Variants in EPHB6 observed in about 807,000 individuals in gnomAD.
EPHB6 encodes the protein EPH receptor B6.
In EPHB6, 51 loss-of-function variants were observed where a neutral mutation model predicts 107.0. That is an observed-to-expected ratio of 0.48 (90% CI 0.38 to 0.60). The LOEUF is 0.60. Ranked by LOEUF, EPHB6 falls within the 20% of genes least tolerant of loss-of-function variation. EPHB6 has a pLI of 0.00. For synonymous variants in EPHB6, 553 were observed against 549.0 expected, an observed-to-expected ratio of 1.01 and a Z score of -0.10; for missense variants, 1,141 against 1,355.5, an observed-to-expected ratio of 0.84 and a Z score of 2.48.
chr7:142,868,843 T>A lies in EPHB6; in HGVS notation c.2286+104T>A. ...TCTTACCACCCCACCTTCCATGGTC[T>A]CCGTCCTTCCTTCCCAGCCATTTTC... On this transcript the variant is annotated intron_variant, in intron 15 of 19. Transcript: ENST00000652003. The surrounding 1 kb of genome is among the most constrained non-coding windows in gnomAD (Gnocchi z 4.2). The A allele has an allele frequency of 6.2e-7, 1 of 1,601,176 alleles. No individual in the cohort carries two copies. The highest frequency in any genetic ancestry group is 1.3e-5 in the African/African-American group (1 of 74,856).
Position 142,867,991 on chromosome 7 carries a change from C to T in EPHB6, c.1866-6C>T, listed in dbSNP as rs1267961286. The T allele has an allele frequency of 6.4e-7, 1 of 1,571,328 alleles. No homozygotes were observed. The highest frequency in any genetic ancestry group is 8.6e-7 in the Non-Finnish European group (1 of 1,158,314). On this transcript the variant is annotated splice_region_variant and splice_polypyrimidine_tract_variant and intron_variant, in intron 12 of 19. Transcript: ENST00000652003. The surrounding 1 kb of genome is among the most constrained non-coding windows in gnomAD (Gnocchi z 5.3). Reference sequence around the variant, plus strand: ...CGTCATCCCCAGTCACCGTTTTGTTCCTCAGGAAGCGGCGTGGGACTGGCT... The same window carrying T: ...CGTCATCCCCAGTCACCGTTTTGTTTCTCAGGAAGCGGCGTGGGACTGGCT...
chr7:142,864,325 T>C lies in EPHB6; in HGVS notation c.525T>C (p.Ser175=), dbSNP rs143416563. Residue 175 remains serine (S), a synonymous_variant, in exon 7 of 20, where the codon TCT becomes TCC. Coordinates refer to ENST00000652003, the MANE Select transcript of EPHB6 (RefSeq NM_004445.6). ...PSSSSSSSSS[S]SSAAWAVGPH... ...CCTCCTCCTCCTCCTCCTCCTCTTC[T>C]TCCTCTGCAGCGTGGGCTGTGGGAC... 2.3e-4 allele frequency: 364 copies of C among 1,612,670 alleles called. 2 individuals carry two copies. In the East Asian group the frequency reaches 2.8e-3, roughly 12 times the overall value.
At chr7:142,861,397 G>T (rs1459113341) in intron 2 of EPHB6, among the ~76,000 whole-genome samples, 1 of 152,206 alleles carries the variant, frequency 6.6e-6, no homozygotes, top group Non-Finnish European at 1.5e-5. Flanking sequence ...GAATACACAT[G>T]CAAGAGTTTA....
chr7:142,869,298 G>A lies in EPHB6; in HGVS notation c.2460+151G>A. On this transcript the variant is annotated intron_variant, in intron 16 of 19. Transcript: ENST00000652003. This position sits in a 1 kb window ranked among gnomAD's most constrained non-coding sequence, Gnocchi z 4.5. ...GGGAGGCTCTCCTGTGTGATGGGGA[G>A]ATGAAAGCCTAGGCGACGGGGTTTG... is the stretch of plus-strand genomic sequence containing the variant. 3 of 920,900 alleles carry A rather than the reference G, an allele frequency of 3.3e-6. No individual in the cohort carries two copies. Among genetic ancestry groups the A allele is most frequent in the Non-Finnish European group, 4.9e-6 (3 of 614,828 alleles). The allele number at this position is 920,900 out of a possible 1,614,324, so 57.0% of individuals were successfully genotyped here.
In EPHB6 at chr7:142,865,837, C is replaced by T. The variant is rs1457548176; in HGVS notation, c.1106-123C>T. 5 of 1,185,534 alleles carry T rather than the reference C, an allele frequency of 4.2e-6. No individual in the cohort carries two copies. In the East Asian group the frequency reaches 7.4e-5, roughly 17 times the overall value. 73.4% of individuals were successfully genotyped at this position (1,185,534 alleles called of 1,614,324 possible). On this transcript the variant is annotated intron_variant, in intron 8 of 19. Coordinates refer to ENST00000652003, the MANE Select transcript of EPHB6 (RefSeq NM_004445.6). ...ACATCCTGCCTCTCTGGGCTACCCC[C>T]ACCCCACGCTCTTCTGTCTCCTTCC... is the stretch of plus-strand genomic sequence containing the variant.
chr7:142,862,914 C>T (rs1802910659), intron 4 of EPHB6, 81 bp downstream of exon 4: 2 of 357,006 alleles, frequency 5.6e-6, no homozygotes, highest in East Asian at 8.7e-5. Context: ...CAGGGTCACA[C>T]AGGGAGTAGG....
chr7:142,864,558 G>T lies in EPHB6; in HGVS notation c.758G>T (p.Gly253Val). Reference sequence around the variant, plus strand: ...GAGACGCAGGCCAGTGGGGCTGGGGGGGCCTCCCTGGTGGCAGCTGTGGGC... The same window carrying T: ...GAGACGCAGGCCAGTGGGGCTGGGGTGGCCTCCCTGGTGGCAGCTGTGGGC... ...FPETQASGAG[G>V]ASLVAAVGTC... is the part of the protein sequence containing the mutation. Residue 253 changes from glycine (G) to valine (V), a missense_variant, in exon 7 of 20, where the codon GGG becomes GTG. Gly to Val is a moderately radical substitution (Grantham distance 109, BLOSUM62 -3). Coordinates refer to ENST00000652003, the MANE Select transcript of EPHB6 (RefSeq NM_004445.6). The T allele has an allele frequency of 6.2e-7, 1 of 1,613,216 alleles. No homozygotes were observed.
At position 142,864,327 on chromosome 7, in the gene EPHB6, C is replaced by G. The variant is rs2116421179; in HGVS notation, c.527C>G (p.Ser176Cys). 1 of 1,613,452 alleles carries G rather than the reference C, an allele frequency of 6.2e-7. No homozygotes were observed. The highest frequency in any genetic ancestry group is 8.5e-7 in the Non-Finnish European group (1 of 1,180,030). Reference protein sequence around the residue: ...SSSSSSSSSSSSAAWAVGPHG... With the variant: ...SSSSSSSSSSCSAAWAVGPHG... Reference sequence around the variant, plus strand: ...TCCTCCTCCTCCTCCTCCTCTTCTTCCTCTGCAGCGTGGGCTGTGGGACCC... The same window carrying G: ...TCCTCCTCCTCCTCCTCCTCTTCTTGCTCTGCAGCGTGGGCTGTGGGACCC... Residue 176 changes from serine to cysteine, a missense_variant, in exon 7 of 20, where the codon TCC becomes TGC. By Grantham distance (112) the Ser-to-Cys change is moderately radical. This residue lies in a region of EPHB6 where 221 missense variants were observed against 300.5 expected (regional missense o/e 0.74). Coordinates refer to ENST00000652003, the MANE Select transcript of EPHB6 (RefSeq NM_004445.6).
chr7:142,866,750 C>A lies in EPHB6; in HGVS notation c.1587+145C>A. 2 of 1,575,112 alleles carry A rather than the reference C, an allele frequency of 1.3e-6. No individual in the cohort carries two copies. The highest frequency in any genetic ancestry group is 1.1e-5 in the South Asian group (1 of 89,598). On this transcript the variant is annotated intron_variant, in intron 10 of 19. Coordinates refer to ENST00000652003, the MANE Select transcript of EPHB6 (RefSeq NM_004445.6). This position sits in a 1 kb window ranked among gnomAD's most constrained non-coding sequence, Gnocchi z 5.2. ...GAGCTCACAGTCCCCACAGTAGGGGCCAGAGGCTGAATGGGCAAGGAGAGG... is the reference window on the plus strand; with the variant it reads ...GAGCTCACAGTCCCCACAGTAGGGGACAGAGGCTGAATGGGCAAGGAGAGG...
Position 142,868,842 on chromosome 7 carries a change from C to T in EPHB6, c.2286+103C>T, listed in dbSNP as rs1332184031. 1.9e-6 allele frequency: 3 copies of T among 1,600,942 alleles called. No individual in the cohort carries two copies. Among genetic ancestry groups the T allele is most frequent in the Non-Finnish European group, 2.6e-6 (3 of 1,174,484 alleles). On this transcript the variant is annotated intron_variant, in intron 15 of 19. Transcript: ENST00000652003. This position sits in a 1 kb window ranked among gnomAD's most constrained non-coding sequence, Gnocchi z 4.2. ...TTCTTACCACCCCACCTTCCATGGTCTCCGTCCTTCCTTCCCAGCCATTTT... is the reference window on the plus strand; with the variant it reads ...TTCTTACCACCCCACCTTCCATGGTTTCCGTCCTTCCTTCCCAGCCATTTT...
chr7:142,864,574 A>T lies in EPHB6; in HGVS notation c.774A>T (p.Ala258=). ...ASGAGGASLV[A]AVGTCVAHAE... is the part of the protein sequence containing the mutation. ...GGGCTGGGGGGGCCTCCCTGGTGGC[A>T]GCTGTGGGCACCTGTGTGGCTCATG... The change falls in exon 7 of 20, where the codon GCA becomes GCT. Residue 258 remains alanine, a synonymous_variant. Coordinates refer to ENST00000652003, the MANE Select transcript of EPHB6 (RefSeq NM_004445.6). 6.2e-7 allele frequency: 1 copy of T among 1,612,974 alleles called. No individual in the cohort carries two copies. Among genetic ancestry groups the T allele is most frequent in the Non-Finnish European group, 8.5e-7 (1 of 1,179,872 alleles).
Position 142,867,078 on chromosome 7 carries a change from G to A in EPHB6, c.1750+10G>A. The A allele has an allele frequency of 6.2e-7, 1 of 1,611,658 alleles. No homozygotes were observed. The highest frequency in any genetic ancestry group is 8.5e-7 in the Non-Finnish European group (1 of 1,179,652). Reference sequence around the variant, plus strand: ...CAGACACTTCCTCAAGGTGAGCGGGGGTCAAGGGCCAGATGGGCAGGTGAA... The same window carrying A: ...CAGACACTTCCTCAAGGTGAGCGGGAGTCAAGGGCCAGATGGGCAGGTGAA... On this transcript the variant is annotated intron_variant, in intron 11 of 19. Coordinates refer to ENST00000652003, the MANE Select transcript of EPHB6 (RefSeq NM_004445.6). This position sits in a 1 kb window ranked among gnomAD's most constrained non-coding sequence, Gnocchi z 5.3.
At position 142,863,695 on chromosome 7, in the gene EPHB6, G is replaced by T. The variant is rs763119570; in HGVS notation, c.165G>T (p.Gly55=). 1.9e-6 allele frequency: 3 copies of T among 1,613,688 alleles called. No homozygotes were observed. The highest frequency in any genetic ancestry group is 1.3e-5 in the African/African-American group (1 of 74,878). The change falls in exon 6 of 20, where the codon GGG becomes GGT. Residue 55 remains glycine, a splice_region_variant and synonymous_variant. Coordinates refer to ENST00000652003, the MANE Select transcript of EPHB6 (RefSeq NM_004445.6). Reference sequence around the variant, plus strand: ...GCTGGCTCACCTACCCACCAGGGGGGGTGAGTGCCACTCTAATTCTGAACC... The same window carrying T: ...GCTGGCTCACCTACCCACCAGGGGGTGTGAGTGCCACTCTAATTCTGAACC... The part of the protein sequence containing the change: ...EIGWLTYPPG[G]WDEVSVLDDQ...
rs763626084 is a variant in EPHB6 at position 142,866,910 on chromosome 7, A to C, written c.1592A>C (p.Glu531Ala). 11 of 1,613,920 alleles carry C rather than the reference A, an allele frequency of 6.8e-6. No homozygotes were observed. In the East Asian group the frequency reaches 2.5e-4, roughly 36 times the overall value. Residue 531 changes from glutamate (E) to alanine (A), a missense_variant, in exon 11 of 20, where the codon GAA becomes GCA. Glu to Ala is a moderately radical substitution (Grantham distance 107). This residue lies in a region of EPHB6 where 616 missense variants were observed against 759.3 expected (regional missense o/e 0.81). Coordinates refer to ENST00000652003, the MANE Select transcript of EPHB6 (RefSeq NM_004445.6). This position sits in a 1 kb window ranked among gnomAD's most constrained non-coding sequence, Gnocchi z 5.2. ...GTGAGTGGCTGTTACCCCCAGGCAG[A>C]AGACGAATCCCACTCCTTCACCCTG... ...DYQLRYYDQA[E>A]DESHSFTLTS...
intron 3 of EPHB6, among the ~76,000 whole-genome samples, chr7:142,862,487 C>G (rs1172407341): frequency 1.3e-5 from 2 of 152,178 alleles, no homozygotes; most frequent in Non-Finnish European, 2.9e-5. Flanking sequence ...TAGCTCTGCC[C>G]CCTCCCTGCA....
rs2116423107 is a variant in EPHB6 at position 142,864,419 on chromosome 7, C to A, written c.619C>A (p.Gln207Lys). ...AGAGCGGAGCTTTGGGCCTCTCACC[C>A]AACGCGGCTTCTACGTGGCCTTCCA... ...VKERSFGPLT[Q>K]RGFYVAFQDT... The change falls in exon 7 of 20, where the codon CAA (glutamine) becomes AAA (lysine). Residue 207 changes from glutamine (Q) to lysine (K), a missense_variant. Around this residue, in one of 3 missense-constraint regions of EPHB6, gnomAD observed 221 missense variants for 300.5 expected, o/e 0.74. Transcript: ENST00000652003. The A allele has an allele frequency of 1.2e-6, 2 of 1,612,260 alleles. No individual in the cohort carries two copies. Among genetic ancestry groups the A allele is most frequent in the Non-Finnish European group, 1.7e-6 (2 of 1,179,238 alleles).
chr7:142,870,546 C>G lies in EPHB6; in HGVS notation c.2821C>G (p.Leu941Val), dbSNP rs2116493218. 1 of 1,614,260 alleles carries G rather than the reference C, an allele frequency of 6.2e-7. No homozygotes were observed. Among genetic ancestry groups the G allele is most frequent in the East Asian group, 2.2e-5 (1 of 44,886 alleles). Residue 941 changes from leucine (L) to valine (V), a missense_variant, in exon 19 of 20, where the codon CTG (leucine) becomes GTG (valine). This residue lies in a region of EPHB6 where 616 missense variants were observed against 759.3 expected (regional missense o/e 0.81). Transcript: ENST00000652003. ...DPGERPSQAL[L>V]TPVALDFPCL... The stretch of plus-strand genomic sequence containing the variant: ...CCCTCTTAGGCCTTCCCAGGCCCTT[C>G]TGACCCCTGTGGCCCTGGACTTTCC...
chr7:142,865,881 C>T (rs1209862635), intron 8 of EPHB6, 79 bp from the exon 9 acceptor site: 8 of 1,475,654 alleles, frequency 5.4e-6, no homozygotes, highest in Non-Finnish European at 7.6e-6. Flanking sequence ...CACCCACCCT[C>T]CCCTGGCTCC....
intron 1 of EPHB6, among the ~76,000 whole-genome samples, chr7:142,858,602 A>ATTTT (rs58084930): frequency 0.028 from 3,704 of 129,968 alleles, 100 homozygotes; most frequent in African/African-American, 0.04. Flanking sequence ...CGCCCAGCTA[A>ATTTT]TTTTTTTTTT....
Sources: allele counts gnomAD v4.1 joint callset (sites outside exome capture counted in the v4.1 genomes callset), GRCh38; gene constraint gnomAD v4.1.1; regional missense constraint gnomAD v4.1.1; non-coding constraint Gnocchi (gnomAD v3.1); transcripts MANE v1.5; gene names NCBI Gene and HGNC (gene_info 2026-07-23, HGNC 2026-07-21).